PREX2: variants seen among roughly 807,000 people sequenced by gnomAD.
PREX2 encodes phosphatidylinositol-3,4,5-trisphosphate dependent Rac exchange factor 2.
Under a neutral mutation model 203.2 loss-of-function variants are expected in PREX2, and 107 were observed. The ratio of observed to expected loss-of-function variants is 0.53; its 90% CI spans 0.45 to 0.62. PREX2 has a LOEUF of 0.62. Among genes scored for constraint, PREX2 ranks in the 20% least tolerant of loss-of-function variants. The pLI, the probability that PREX2 is intolerant of heterozygous loss-of-function variation, is 0.00. For missense variants in PREX2, 1,777 were observed against 1,955.9 expected (o/e 0.91, Z 1.72); for synonymous variants, 672 against 663.6 (o/e 1.01, Z -0.19).
At chr8:68,228,579 G>C (rs1352726259) in intron 39 of PREX2, among the ~76,000 whole-genome samples, 1 of 151,896 alleles carries the variant, frequency 6.6e-6, no homozygotes, top group Non-Finnish European at 1.5e-5. Context: ...TGGCTAACAT[G>C]GTGAAACCCC....
At chr8:68,224,532 G>A in intron 38 of PREX2, 27 bp from the exon 39 acceptor site, 1 of 1,583,432 alleles carries the variant, frequency 6.3e-7, no homozygotes, top group Non-Finnish European at 8.7e-7. Flanking sequence ...ACACTGTAGG[G>A]ATAAAAGTGA....
intron 6 of PREX2, among the ~76,000 whole-genome samples, chr8:68,035,437 C>T (rs897008017): frequency 7.2e-5 from 11 of 152,096 alleles, no homozygotes; most frequent in African/African-American, 2.2e-4. Flanking sequence ...TGTCATCTTT[C>T]ATCTTTTCCA....
chr8:68,223,177 C>T (rs1197955912), intron 38 of PREX2: 1 of 152,188 alleles, frequency 6.6e-6, no homozygotes, highest in African/African-American at 2.4e-5. Flanking sequence ...AGTAATCACA[C>T]TGTGGTTAAG....
intron 11 of PREX2, among the ~76,000 whole-genome samples, chr8:68,065,018 C>G (rs1808975085): frequency 6.6e-6 from 1 of 152,148 alleles, no homozygotes; most frequent in Admixed American, 6.5e-5. Context: ...AAGCAGCTTT[C>G]TTCACTAGAG....
intron 39 of PREX2, among the ~76,000 whole-genome samples, chr8:68,228,232 G>T (rs2129615563): frequency 6.6e-6 from 1 of 152,248 alleles, no homozygotes; most frequent in Non-Finnish European, 1.5e-5. Flanking sequence ...ACAAAATAAA[G>T]TTTTTGTTAT....
At chr8:68,231,259 G>T in intron 39 of PREX2, 74 bp from the exon 40 acceptor site, 3 of 1,052,838 alleles carry the variant, frequency 2.8e-6, no homozygotes, top group Non-Finnish European at 4.0e-6. Flanking sequence ...CAATGTATTT[G>T]TTCTACCAAT....
At chr8:68,030,799 C>A in intron 6 of PREX2, 141 bp downstream of exon 6, 1 of 781,782 alleles carries the variant, frequency 1.3e-6, no homozygotes, top group Non-Finnish European at 2.1e-6. Context: ...CTGAAAAGTG[C>A]TCACTTTCAT....
intron 20 of PREX2, among the ~76,000 whole-genome samples, chr8:68,091,731 C>G (rs1190569777): frequency 6.6e-6 from 1 of 152,162 alleles, no homozygotes; most frequent in Non-Finnish European, 1.5e-5. Flanking sequence ...AAAGTCTCAT[C>G]GGAAATGATC....
intron 1 of PREX2, among the ~76,000 whole-genome samples, chr8:67,986,978 C>T (rs1806449014): frequency 1.3e-5 from 2 of 151,582 alleles, no homozygotes; most frequent in African/African-American, 2.4e-5. Context: ...ATGGTGAAAC[C>T]CTGTCTGTAC....
intron 10 of PREX2, 108 bp downstream of exon 10, chr8:68,056,082 T>G: frequency 8.8e-7 from 1 of 1,137,186 alleles, no homozygotes; most frequent in African/African-American, 1.6e-5. Context: ...TAGGCACTTT[T>G]GAAAACTTCT....
chr8:68,220,760 A>G (rs1197656062), intron 38 of PREX2, among the ~76,000 whole-genome samples: 1 of 152,188 alleles, frequency 6.6e-6, no homozygotes, highest in East Asian at 1.9e-4. Context: ...GTACAAAGTA[A>G]ATGCCAAAAG....
Position 68,231,403 on chromosome 8 carries a change from G to C in PREX2, c.*25G>C. On this transcript the variant is annotated 3_prime_UTR_variant, in exon 40 of 40. Coordinates refer to ENST00000288368, the MANE Select transcript of PREX2 (RefSeq NM_024870.4). Reference sequence around the variant, plus strand: ...AAAAGAACTCCCAAGAAACCAGGCAGGCAGAAGCTCCTGAATGCTGGACTA... The same window carrying C: ...AAAAGAACTCCCAAGAAACCAGGCACGCAGAAGCTCCTGAATGCTGGACTA... 6.3e-7 allele frequency: 1 copy of C among 1,597,416 alleles called. No homozygotes were observed. Among genetic ancestry groups the C allele is most frequent in the Non-Finnish European group, 8.5e-7 (1 of 1,172,370 alleles).
At chr8:68,214,771 T>C (rs1812801724) in intron 37 of PREX2, among the ~76,000 whole-genome samples, 1 of 152,114 alleles carries the variant, frequency 6.6e-6, no homozygotes, top group Non-Finnish European at 1.5e-5. Flanking sequence ...TTTAGGAAAA[T>C]AGAATTCTGT....
intron 5 of PREX2, among the ~76,000 whole-genome samples, chr8:68,028,319 T>G (rs1235971263): frequency 2.6e-5 from 4 of 151,858 alleles, no homozygotes; most frequent in African/African-American, 9.7e-5. Context: ...GCTTTATAAG[T>G]ATTAGCCATT....
At chr8:67,961,535 C>T (rs4496954) in intron 1 of PREX2, among the ~76,000 whole-genome samples, 66,127 of 151,792 alleles carry the variant, frequency 0.44, 15,017 homozygotes, top group East Asian at 0.61. Context: ...GGAAAAGCAT[C>T]CTGTAGTAAA....
At chr8:68,179,297 G>A (rs890078146) in intron 35 of PREX2, among the ~76,000 whole-genome samples, 3 of 152,024 alleles carry the variant, frequency 2.0e-5, no homozygotes, top group South Asian at 2.1e-4. Flanking sequence ...GCTGCAAGCT[G>A]TATTTTGAGT....
chr8:68,222,871 C>G (rs1254973543), intron 38 of PREX2, among the ~76,000 whole-genome samples: 1 of 152,136 alleles, frequency 6.6e-6, no homozygotes, highest in Non-Finnish European at 1.5e-5. Flanking sequence ...ATTTTCTTGC[C>G]CAAAATGCAT....
intron 1 of PREX2, among the ~76,000 whole-genome samples, chr8:67,979,668 G>T (rs913014983): frequency 3.3e-5 from 5 of 152,124 alleles, no homozygotes; most frequent in African/African-American, 4.8e-5. Flanking sequence ...ACATATAAAA[G>T]ATTAAAGAGT....
intron 37 of PREX2, among the ~76,000 whole-genome samples, chr8:68,196,573 C>A (rs985636745): frequency 1.3e-5 from 2 of 151,046 alleles, no homozygotes; most frequent in African/African-American, 4.9e-5. Context: ...GATCTATGTC[C>A]CCACCCAAAT....
Sources: gnomAD v4.1 joint callset for allele counts (sites outside exome capture counted in the v4.1 genomes callset) on GRCh38, gnomAD v4.1.1 for gene constraint, MANE v1.5 for transcripts, NCBI Gene and HGNC (gene_info 2026-07-23, HGNC 2026-07-21) for gene names.